TRIM66: variants seen among roughly 807,000 people sequenced by gnomAD.
TRIM66 encodes tripartite motif-containing protein 66.
A neutral mutation model predicts 148.2 loss-of-function variants in TRIM66; 99 were observed. That is an observed-to-expected ratio of 0.67 (90% confidence interval 0.57 to 0.79). The LOEUF (loss-of-function observed/expected upper bound fraction) is 0.79, where lower values mean the gene tolerates loss of function less well. Among genes scored for constraint, TRIM66 ranks in the 30% least tolerant of loss-of-function variants. TRIM66 has a pLI of 0.00. For synonymous variants in TRIM66, 616 were observed against 635.9 expected, an observed-to-expected ratio of 0.97 and a Z score of 0.47; for missense variants, 1,666 against 1,697.9, an observed-to-expected ratio of 0.98 and a Z score of 0.33.
intron 1 of TRIM66, among the ~76,000 whole-genome samples, 198 bp from the exon 2 acceptor site, chr11:8,680,261 C>A (rs2039348935): frequency 6.6e-6 from 1 of 152,094 alleles, no homozygotes; most frequent in African/African-American, 2.4e-5. Context: ...GGCAAGTGGG[C>A]TATATTCTGT....
chr11:8,649,713 G>C, intron 8 of TRIM66, 27 bp downstream of exon 8: 1 of 1,542,526 alleles, frequency 6.5e-7, no homozygotes, highest in South Asian at 1.2e-5. Flanking sequence ...GGGCATGGGA[G>C]TGGGCAGGGA....
chr11:8,628,636 A>AAAAG (rs1555042270), intron 15 of TRIM66, among the ~76,000 whole-genome samples: 28 of 93,394 alleles, frequency 3.0e-4, no homozygotes, highest in African/African-American at 9.6e-4. Context: ...AAAAAAAAAA[A>AAAAG]AGAGAGAGAA....
rs752200922 is a variant in TRIM66, at chr11:8,641,756, C to T, written c.1223-604G>A. 2.6e-5 allele frequency among the ~76,000 whole-genome samples: 4 copies of T among 151,960 alleles called. No homozygotes were observed. The East Asian group carries it at 7.7e-4, about 29-fold the overall frequency. On this transcript the variant is annotated intron_variant, in intron 13 of 24. Coordinates refer to ENST00000646038, the MANE Select transcript of TRIM66 (RefSeq NM_001388022.1). ...GGTGACTGGATCGTGGGGGCGGATCCCTCATGAGTGGTTTAGCACCGTCCC... is the reference window on the plus strand; with the variant it reads ...GGTGACTGGATCGTGGGGGCGGATCTCTCATGAGTGGTTTAGCACCGTCCC...
chr11:8,644,423 TCAC>T, intron 12 of TRIM66: 1 of 454,584 alleles, frequency 2.2e-6, no homozygotes, highest in African/African-American at 2.0e-5. Flanking sequence ...CCTCTTATTA[TCAC>T]CTCCTATTTC....
chr11:8,659,827 C>T (rs1483541620), intron 6 of TRIM66, among the ~76,000 whole-genome samples: 5 of 152,158 alleles, frequency 3.3e-5, no homozygotes, highest in African/African-American at 1.2e-4. Context: ...GTCCTGTCTC[C>T]TCCAATCATT....
At position 8,616,601 on chromosome 11, in the gene TRIM66, G is replaced by C. The variant is rs1488025053; in HGVS notation, c.*1343C>G. The C allele has an allele frequency of 6.6e-6, 1 of 152,218 alleles. No individual in the cohort carries two copies. Among genetic ancestry groups the C allele is most frequent in the Non-Finnish European group, 1.5e-5 (1 of 68,060 alleles). 9.4% of individuals were successfully genotyped at this position (152,218 alleles called of 1,614,324 possible). A position where few individuals can be genotyped will look rare whatever the true frequency, so the allele number is the denominator to read the frequency against. The stretch of plus-strand genomic sequence containing the variant: ...GCGAGGGCCATGCAGATGCATTCAG[G>C]ATGCAGCCTCGAGCTCCTGTTCCCA... On this transcript the variant is annotated 3_prime_UTR_variant, in exon 25 of 25. Coordinates refer to ENST00000646038, the MANE Select transcript of TRIM66 (RefSeq NM_001388022.1).
At chr11:8,634,401 TCAAA>T (rs1446813032) in intron 15 of TRIM66, among the ~76,000 whole-genome samples, 1 of 152,202 alleles carries the variant, frequency 6.6e-6, no homozygotes, top group Admixed American at 6.5e-5. Context: ...GCTGTTGAGC[TCAAA>T]CAATCTGCCT....
intron 6 of TRIM66, among the ~76,000 whole-genome samples, chr11:8,662,901 T>C (rs2038353439): frequency 6.6e-6 from 1 of 152,214 alleles, no homozygotes; most frequent in Admixed American, 6.5e-5. Flanking sequence ...TCAGGGATGT[T>C]AGCTCCCTTC....
At chr11:8,673,407 G>A (rs1293834638) in intron 4 of TRIM66, among the ~76,000 whole-genome samples, 1 of 152,180 alleles carries the variant, frequency 6.6e-6, no homozygotes, top group Non-Finnish European at 1.5e-5. Flanking sequence ...AAGAGTCTAG[G>A]ATTTAGTACA....
chr11:8,656,054 C>G (rs2037803578), intron 6 of TRIM66, among the ~76,000 whole-genome samples: 1 of 152,160 alleles, frequency 6.6e-6, no homozygotes, highest in Non-Finnish European at 1.5e-5. Flanking sequence ...ACATGCACTC[C>G]CTTTGTGTCA....
Position 8,623,685 on chromosome 11 carries a change from C to G in TRIM66, c.3019+674G>C, listed in dbSNP as rs117482668. ...TTCCTGACTTCCCAACTAGCCCTCA[C>G]CTTCCACAGAAGAACAAACTTAGCC... On this transcript the variant is annotated intron_variant, in intron 17 of 24. Transcript: ENST00000646038. 6.6e-5 allele frequency among the ~76,000 whole-genome samples: 10 copies of G among 152,298 alleles called. No individual in the cohort carries two copies. The East Asian group carries it at 1.5e-3, about 24-fold the overall frequency.
intron 6 of TRIM66, among the ~76,000 whole-genome samples, chr11:8,656,528 A>G (rs555310945): frequency 5.6e-4 from 85 of 152,332 alleles, no homozygotes; most frequent in African/African-American, 2.0e-3. Context: ...TTAGGAGCCT[A>G]GCAGAGCAGC....
chr11:8,642,680 C>T (rs544224686), intron 13 of TRIM66, among the ~76,000 whole-genome samples: 6 of 151,736 alleles, frequency 4.0e-5, no homozygotes, highest in Non-Finnish European at 8.8e-5. Flanking sequence ...TACTGCCATA[C>T]AGCATTCCGG....
intron 1 of TRIM66, among the ~76,000 whole-genome samples, chr11:8,682,149 A>T (rs1411205210): frequency 6.6e-6 from 1 of 152,250 alleles, no homozygotes; most frequent in Admixed American, 6.5e-5. Flanking sequence ...GAAGCAATTT[A>T]AGTTGCTCAA....
intron 15 of TRIM66, among the ~76,000 whole-genome samples, chr11:8,635,752 C>T (rs1046251673): frequency 3.3e-5 from 5 of 152,148 alleles, no homozygotes; most frequent in Admixed American, 2.6e-4. Flanking sequence ...CTTTGCTAAC[C>T]CCATTGCCAA....
intron 4 of TRIM66, 24 bp from the exon 5 acceptor site, chr11:8,672,409 GA>G: frequency 6.7e-7 from 1 of 1,484,742 alleles, no homozygotes; most frequent in Non-Finnish European, 8.9e-7. Flanking sequence ...TTGGAAAAAG[GA>G]AGAAAATTGC....
intron 6 of TRIM66, 41 bp downstream of exon 6, chr11:8,671,745 T>G: frequency 2.3e-6 from 2 of 874,126 alleles, no homozygotes; most frequent in Non-Finnish European, 3.7e-6. Flanking sequence ...AAGAGACCTG[T>G]TATGTAGTGG....
intron 3 of TRIM66, among the ~76,000 whole-genome samples, chr11:8,677,286 A>G (rs1016556189): frequency 7.2e-5 from 11 of 152,234 alleles, no homozygotes; most frequent in African/African-American, 2.4e-4. Flanking sequence ...TGTATGTCTT[A>G]GACATAGTCT....
At chr11:8,667,104 C>A (rs1054289375) in intron 6 of TRIM66, among the ~76,000 whole-genome samples, 1 of 152,174 alleles carries the variant, frequency 6.6e-6, no homozygotes, top group Admixed American at 6.5e-5. Context: ...AGGCATGAGC[C>A]ACCAAAGCAC....
Sources: allele counts gnomAD v4.1 joint callset (sites outside exome capture counted in the v4.1 genomes callset), GRCh38; gene constraint gnomAD v4.1.1; transcripts MANE v1.5; gene names NCBI Gene and HGNC (gene_info 2026-07-23, HGNC 2026-07-21).